Variants in LRP2BP observed in about 807,000 individuals in gnomAD.
LRP2BP encodes the protein LRP2 binding protein, also known as LRP2-binding protein.
Under a neutral mutation model 45.2 loss-of-function variants are expected in LRP2BP, and 38 were observed. The ratio of observed to expected loss-of-function variants is 0.84; its 90% CI spans 0.65 to 1.10. The LOEUF (loss-of-function observed/expected upper bound fraction) is 1.10. LRP2BP is among the 50% of genes least tolerant of loss of function. The pLI, the probability that LRP2BP is intolerant of heterozygous loss-of-function variation, is 0.00. For synonymous variants in LRP2BP, 153 were observed against 153.9 expected (o/e 0.99, Z 0.04); for missense variants, 385 against 418.9 (o/e 0.92, Z 0.71).
upstream of LRP2BP, chr4:185,397,281 G>A (rs781587596): frequency 1.9e-6 from 3 of 1,613,976 alleles, no homozygotes; most frequent in Non-Finnish European, 2.5e-6. Flanking sequence ...AGCTGCAAAC[G>A]GGCGCTGACC....
rs2095443543 is a variant in LRP2BP, at chr4:185,377,940, G to C, written c.106+141C>G. The C allele has an allele frequency of 1.7e-5, 11 of 662,334 alleles. No individual in the cohort carries two copies. The South Asian group carries it at 2.6e-4, about 15-fold the overall frequency. The allele number at this position is 662,334 out of a possible 1,614,324, so 41.0% of individuals were successfully genotyped here. A position where few individuals can be genotyped will look rare whatever the true frequency, so the allele number is the denominator to read the frequency against. On this transcript the variant is annotated intron_variant, in intron 2 of 8. Transcript: ENST00000505916. Reference sequence around the variant, plus strand: ...TAAATGAGCAATTTCACAGATTCTTGCGGGAAAACTCAAAAGGACTAATGA... The same window carrying C: ...TAAATGAGCAATTTCACAGATTCTTCCGGGAAAACTCAAAAGGACTAATGA...
chr4:185,392,353 T>C (rs916639704), intron 1 of LRP2BP, among the ~76,000 whole-genome samples: 7 of 152,210 alleles, frequency 4.6e-5, no homozygotes, highest in Admixed American at 4.6e-4. Context: ...ATAACTATAC[T>C]TTGCCTTTTC....
intron 1 of LRP2BP, among the ~76,000 whole-genome samples, chr4:185,384,812 G>T (rs1414167765): frequency 6.6e-6 from 1 of 152,004 alleles, no homozygotes; most frequent in Non-Finnish European, 1.5e-5. Context: ...AATTAGAAGA[G>T]AATAACTTAC....
intron 8 of LRP2BP, among the ~76,000 whole-genome samples, chr4:185,367,708 C>G (rs1460535382): frequency 6.6e-6 from 1 of 152,146 alleles, no homozygotes; most frequent in Admixed American, 6.5e-5. Context: ...ATATAGAGCT[C>G]TCATCCAAAC....
At chr4:185,387,968 CTG>C (rs2095476602) in intron 1 of LRP2BP, among the ~76,000 whole-genome samples, 1 of 152,250 alleles carries the variant, frequency 6.6e-6, no homozygotes, top group Non-Finnish European at 1.5e-5. Flanking sequence ...AGTGGAAAGG[CTG>C]TGTGACGAGC....
intron 1 of LRP2BP, among the ~76,000 whole-genome samples, chr4:185,387,753 C>T (rs1425732054): frequency 6.6e-6 from 1 of 152,224 alleles, no homozygotes; most frequent in African/African-American, 2.4e-5. Context: ...ACAAGGTCCC[C>T]ACCCCGCTGG....
intron 3 of LRP2BP, among the ~76,000 whole-genome samples, chr4:185,376,220 T>C (rs2095436844): frequency 6.6e-6 from 1 of 152,174 alleles, no homozygotes; most frequent in South Asian, 2.1e-4. Context: ...AAGCTTCCCC[T>C]AAGTACTAGA....
rs566248968 is a variant in LRP2BP at position 185,378,832 on chromosome 4, T to C, written c.-21-625A>G. ...GAGGGTAGTGAGACAGCAAACTCAG[T>C]TGTTGCTACACTTTTGTATTTACTC... On this transcript the variant is annotated intron_variant, in intron 1 of 8. Transcript: ENST00000505916. 2.5e-5 allele frequency: 25 copies of C among 985,410 alleles called. No homozygotes were observed. The African/African-American group carries it at 3.8e-4, about 15-fold the overall frequency. The allele number at this position is 985,410 out of a possible 1,614,324, so 61.0% of individuals were successfully genotyped here. A position where few individuals can be genotyped will look rare whatever the true frequency, so the allele number is the denominator to read the frequency against.
chr4:185,378,496 C>G, intron 1 of LRP2BP: 1 of 1,115,760 alleles, frequency 9.0e-7, no homozygotes, highest in Non-Finnish European at 1.1e-6. Context: ...CAAGATGGGT[C>G]AAGTCACCCA....
chr4:185,389,059 T>C (rs112017996), intron 1 of LRP2BP, among the ~76,000 whole-genome samples: 17,417 of 151,776 alleles, frequency 0.11, 1,328 homozygotes, highest in African/African-American at 0.2. Context: ...TTTGTATTTT[T>C]AGTAGAGACA....
rs769984307 is a variant in LRP2BP, at chr4:185,376,955, C to A, written c.170G>T (p.Gly57Val). The stretch of plus-strand genomic sequence containing the variant: ...TCGTAGGAAATATGCCAGAGTGTCT[C>A]CTTTCAGTATTCTTTCCTTCAAGAG... ...LQLLKERILK[G>V]DTLAYFLRGQ... Residue 57 changes from glycine to valine, a missense_variant, in exon 3 of 9, where the codon GGA becomes GTA. By Grantham distance (109) the Gly-to-Val change is moderately radical (BLOSUM62 -3). Transcript: ENST00000505916. 8.1e-6 allele frequency: 13 copies of A among 1,613,972 alleles called. No homozygotes were observed. Among genetic ancestry groups the A allele is most frequent in the Non-Finnish European group, 1.0e-5 (12 of 1,179,878 alleles).
Position 185,374,470 on chromosome 4 carries a change from A to C in LRP2BP, c.331-9T>G. ...TAGTCCACCCCTTTCTCCTTCGACA[A>C]AAGAAAGAGCAAAAAAACCCTAGTT... On this transcript the variant is annotated splice_polypyrimidine_tract_variant and intron_variant, in intron 4 of 8. Transcript: ENST00000505916. The C allele has an allele frequency of 1.2e-6, 2 of 1,605,666 alleles. No individual in the cohort carries two copies. The highest frequency in any genetic ancestry group is 1.7e-6 in the Non-Finnish European group (2 of 1,178,150).
At chr4:185,373,171 G>T in intron 6 of LRP2BP, 92 bp from the exon 7 acceptor site, 1 of 1,149,532 alleles carries the variant, frequency 8.7e-7, no homozygotes, top group Non-Finnish European at 1.3e-6. Context: ...GTGTTTCCTA[G>T]ATAGCACTAT....
At chr4:185,374,546 TCCG>T in intron 4 of LRP2BP, 85 bp from the exon 5 acceptor site, 1 of 1,431,548 alleles carries the variant, frequency 7.0e-7, no homozygotes, top group Non-Finnish European at 9.5e-7. Flanking sequence ...CTGTGAAGTG[TCCG>T]CCCTCTGACA....
upstream of LRP2BP, chr4:185,396,843 G>A (rs746896112): frequency 2.7e-6 from 4 of 1,463,732 alleles, 1 homozygote; most frequent in East Asian, 2.3e-5. Flanking sequence ...GCCAGCCTGC[G>A]CATTCTTACC....
At chr4:185,392,806 C>G (rs929915121) in intron 1 of LRP2BP, among the ~76,000 whole-genome samples, 1 of 152,144 alleles carries the variant, frequency 6.6e-6, no homozygotes, top group Non-Finnish European at 1.5e-5. Context: ...CCATGGGTGC[C>G]TGGCTGGCAA....
At chr4:185,381,050 A>C (rs1354334572) in intron 1 of LRP2BP, among the ~76,000 whole-genome samples, 1 of 152,206 alleles carries the variant, frequency 6.6e-6, no homozygotes, top group African/African-American at 2.4e-5. Context: ...TCAGATCAAG[A>C]AAGAGATCCT....
Position 185,376,940 on chromosome 4 carries a change from T to C in LRP2BP, c.185A>G (p.Tyr62Cys). 1.2e-6 allele frequency: 2 copies of C among 1,613,670 alleles called. No homozygotes were observed. The highest frequency in any genetic ancestry group is 1.1e-5 in the South Asian group (1 of 91,064). Residue 62 changes from tyrosine (Y) to cysteine (C), a missense_variant, in exon 3 of 9, where the codon TAT becomes TGT. Tyr to Cys is a radical substitution (Grantham distance 194, BLOSUM62 -2). Transcript: ENST00000505916. Reference protein sequence around the residue: ...ERILKGDTLAYFLRGQLYFEE... With the variant: ...ERILKGDTLACFLRGQLYFEE... Reference sequence around the variant, plus strand: ...AAAATATAGTTGACCTCGTAGGAAATATGCCAGAGTGTCTCCTTTCAGTAT... The same window carrying C: ...AAAATATAGTTGACCTCGTAGGAAACATGCCAGAGTGTCTCCTTTCAGTAT...
chr4:185,380,115 G>A (rs1200531014), intron 1 of LRP2BP, among the ~76,000 whole-genome samples: 1 of 152,136 alleles, frequency 6.6e-6, no homozygotes, highest in Non-Finnish European at 1.5e-5. Context: ...GAGTCACCGT[G>A]TCCAGGCAAT....
Sources: gnomAD v4.1 joint callset for allele counts (sites outside exome capture counted in the v4.1 genomes callset) on GRCh38, gnomAD v4.1.1 for gene constraint, MANE v1.5 for transcripts, NCBI Gene and HGNC (gene_info 2026-07-23, HGNC 2026-07-21) for gene names.